Variants in GLYATL2 observed in about 807,000 individuals in gnomAD.
GLYATL2 encodes glycine N-acyltransferase-like protein 2.
Under a neutral mutation model 21.4 loss-of-function variants are expected in GLYATL2, and 25 were observed. That is an observed-to-expected ratio of 1.17 (90% CI 0.85 to 1.63). The LOEUF (loss-of-function observed/expected upper bound fraction) is 1.63. Among genes scored for constraint, GLYATL2 ranks in the 40% most tolerant of loss-of-function variants. The probability of loss-of-function intolerance (pLI) is 0.00; values close to 1 mark genes in which losing one functional copy is unlikely to be tolerated. For missense variants in GLYATL2, 361 were observed against 343.3 expected (o/e 1.05, Z -0.41); for synonymous variants, 114 against 118.2 (o/e 0.96, Z 0.23).
chr11:58,881,935 G>A (rs1854343612), intron 1 of GLYATL2, among the ~76,000 whole-genome samples: 1 of 152,182 alleles, frequency 6.6e-6, no homozygotes, highest in African/African-American at 2.4e-5. Flanking sequence ...TTTAATGGCT[G>A]CATAGTATTC....
chr11:58,871,458 G>A (rs1340475806), intron 1 of GLYATL2, among the ~76,000 whole-genome samples: 6 of 79,836 alleles, frequency 7.5e-5, no homozygotes, highest in Admixed American at 2.0e-4. Flanking sequence ...AACAGGCCCC[G>A]GTGTGTGATG....
chr11:58,879,702 T>C (rs11229675), intron 1 of GLYATL2, among the ~76,000 whole-genome samples: 3,876 of 152,222 alleles, frequency 0.025, 118 homozygotes, highest in East Asian at 0.15. Context: ...TGTGTTTTAA[T>C]GGGTACAGTT....
At chr11:58,875,640 A>G (rs1309014165) in intron 1 of GLYATL2, among the ~76,000 whole-genome samples, 2 of 152,164 alleles carry the variant, frequency 1.3e-5, no homozygotes, top group Non-Finnish European at 2.9e-5. Context: ...TGGCTTGTAG[A>G]GTTTCTGCCA....
rs1565090081 is a variant in GLYATL2, at chr11:58,843,272, T to C, written c.-41+1162A>G. Among the ~76,000 whole-genome samples, 8 of 152,186 alleles carry C rather than the reference T, an allele frequency of 5.3e-5. No homozygotes were observed. The South Asian group carries it at 1.7e-3, about 32-fold the overall frequency. On this transcript the variant is annotated intron_variant, in intron 1 of 5. Transcript: ENST00000287275. ...AAATCACTTTTTAGCAGTAAGTGGG[T>C]GAGGGAGTATGCCAAGAAAGTGTCG... is the stretch of plus-strand genomic sequence containing the variant.
At chr11:58,887,606 T>G (rs763962777) in intron 1 of GLYATL2, among the ~76,000 whole-genome samples, 6 of 152,136 alleles carry the variant, frequency 3.9e-5, no homozygotes, top group Non-Finnish European at 7.4e-5. Context: ...TGATGATCTC[T>G]TCTGTCATCA....
intron 1 of GLYATL2, among the ~76,000 whole-genome samples, chr11:58,895,520 T>A (rs79972123): frequency 6.6e-6 from 1 of 152,298 alleles, no homozygotes; most frequent in African/African-American, 2.4e-5. Context: ...TCTCAGCTTG[T>A]TGATGGCTGC....
chr11:58,860,295 A>G (rs1416959461), intron 1 of GLYATL2, among the ~76,000 whole-genome samples: 1 of 150,806 alleles, frequency 6.6e-6, no homozygotes, highest in Admixed American at 6.7e-5. Context: ...TCCTTCATTT[A>G]TGTTTAATAA....
chr11:58,842,978 T>A (rs1389626866), intron 1 of GLYATL2, among the ~76,000 whole-genome samples: 1 of 152,224 alleles, frequency 6.6e-6, no homozygotes, highest in Non-Finnish European at 1.5e-5. Flanking sequence ...AGTGTTTGGG[T>A]TCTTTATTTA....
At chr11:58,908,421 A>AT (rs955077610), upstream of GLYATL2, 38 of 163,344 alleles carry the variant, frequency 2.3e-4, no homozygotes, top group Non-Finnish European at 4.1e-4. Context: ...TTGGTTCTCC[A>AT]TTTTTTCCAC....
chr11:58,901,021 T>C (rs1406087401), intron 1 of GLYATL2, among the ~76,000 whole-genome samples: 1 of 152,150 alleles, frequency 6.6e-6, no homozygotes, highest in African/African-American at 2.4e-5. Flanking sequence ...GAAACGCGCC[T>C]TCGCCTGCCC....
rs1854175365 is a variant in GLYATL2, at chr11:58,873,947, A to T, written n.60+30209T>A. ...TTTTTTGGTTGGTAAGCTATTAATT[A>T]TTGCCTCAATTTCAGAGGGTGTTAT... On this transcript the variant is annotated intron_variant and non_coding_transcript_variant, in intron 1 of 4. Coordinates refer to the GLYATL2 transcript ENST00000533636. 2.6e-5 allele frequency among the ~76,000 whole-genome samples: 4 copies of T among 152,262 alleles called. No homozygotes were observed. In the South Asian group the frequency reaches 8.3e-4, roughly 32 times the overall value.
chr11:58,880,219 A>T (rs1230667798), intron 1 of GLYATL2, among the ~76,000 whole-genome samples: 1 of 152,138 alleles, frequency 6.6e-6, no homozygotes, highest in Non-Finnish European at 1.5e-5. Context: ...TCCTAATTTA[A>T]AAAAGAAATG....
At chr11:58,881,947 A>G (rs1854343791) in intron 1 of GLYATL2, among the ~76,000 whole-genome samples, 1 of 152,212 alleles carries the variant, frequency 6.6e-6, no homozygotes, top group South Asian at 2.1e-4. Flanking sequence ...ATAGTATTCC[A>G]TGGTGTATAT....
At chr11:58,849,703 G>C (rs1244935588), upstream of GLYATL2, among the ~76,000 whole-genome samples, 2 of 152,132 alleles carry the variant, frequency 1.3e-5, no homozygotes, top group Non-Finnish European at 2.9e-5. Flanking sequence ...ACCAAACACC[G>C]CATGTTCTCA....
At chr11:58,877,390 C>T (rs986671782) in intron 1 of GLYATL2, among the ~76,000 whole-genome samples, 1 of 152,176 alleles carries the variant, frequency 6.6e-6, no homozygotes, top group Non-Finnish European at 1.5e-5. Flanking sequence ...TAGACTGGAG[C>T]TGTTCCTTTT....
intron 1 of GLYATL2, chr11:58,885,545 G>C (rs1854421790): frequency 2.2e-6 from 1 of 449,692 alleles, no homozygotes; most frequent in African/African-American, 2.0e-5. Flanking sequence ...AAAACAGGTA[G>C]GCACACAAAC....
intron 1 of GLYATL2, among the ~76,000 whole-genome samples, chr11:58,855,493 T>C (rs1853812765): frequency 6.6e-6 from 1 of 152,212 alleles, no homozygotes; most frequent in Non-Finnish European, 1.5e-5. Context: ...GTTCTTCCAT[T>C]TGTAGAGAAT....
intron 1 of GLYATL2, among the ~76,000 whole-genome samples, chr11:58,895,244 G>A (rs966573921): frequency 6.6e-6 from 1 of 152,210 alleles, no homozygotes; most frequent in South Asian, 2.1e-4. Flanking sequence ...AAAGAGGAAG[G>A]AGGATTTTTT....
intron 1 of GLYATL2, chr11:58,893,074 G>T (rs928153036): frequency 7.6e-6 from 3 of 395,660 alleles, no homozygotes; most frequent in Non-Finnish European, 9.6e-6. Context: ...TGCCAAGCTG[G>T]GTGTCTCTTA....
Sources: allele counts gnomAD v4.1 joint callset (sites outside exome capture counted in the v4.1 genomes callset), GRCh38; gene constraint gnomAD v4.1.1; transcripts MANE v1.5; gene names NCBI Gene and HGNC (gene_info 2026-07-23, HGNC 2026-07-21).